ITCH: variants seen among roughly 807,000 people sequenced by gnomAD.
ITCH encodes the protein E3 ubiquitin-protein ligase Itchy homolog.
Under a neutral mutation model 126.8 loss-of-function variants are expected in ITCH, and 28 were observed. That is an observed-to-expected ratio of 0.22 (90% CI 0.16 to 0.30). The LOEUF (loss-of-function observed/expected upper bound fraction) is 0.30. Ranked by LOEUF, ITCH falls within the 10% of genes least tolerant of loss-of-function variation. The pLI is 1.00. For synonymous variants in ITCH, 342 were observed against 340.0 expected, an observed-to-expected ratio of 1.01 and a Z score of -0.06; for missense variants, 631 against 1,032.4, an observed-to-expected ratio of 0.61 and a Z score of 5.33.
At position 34,493,171 on chromosome 20, in the gene ITCH, A is replaced by G. The variant is rs550087863; in HGVS notation, c.2416+574A>G. On this transcript the variant is annotated intron_variant, in intron 23 of 24. Transcript: ENST00000374864. Reference sequence around the variant, plus strand: ...AAATTCAAGTATTTCCTTAATACCAACATTATCCCAAGTATCATAGGAGGA... The same window carrying G: ...AAATTCAAGTATTTCCTTAATACCAGCATTATCCCAAGTATCATAGGAGGA... Among the ~76,000 whole-genome samples the G allele has an allele frequency of 6.6e-5, 10 of 152,360 alleles. No individual in the cohort carries two copies. The South Asian group carries it at 1.9e-3, about 28-fold the overall frequency.
At position 34,445,260 on chromosome 20, in the gene ITCH, GT is replaced by G. The variant is rs376762756; in HGVS notation, c.966-10del. 41,200 of 1,415,838 alleles carry G rather than the reference GT, an allele frequency of 0.029. 16 individuals carry two copies. The highest frequency in any genetic ancestry group is 0.033 in the Admixed American group (1,538 of 47,288). The allele number at this position is 1,415,838 out of a possible 1,614,324, so 87.7% of individuals were successfully genotyped here. A position where few individuals can be genotyped will look rare whatever the true frequency, so the allele number is the denominator to read the frequency against. On this transcript the variant is annotated intron_variant, in intron 10 of 24. Coordinates refer to ENST00000374864, the MANE Select transcript of ITCH (RefSeq NM_031483.7). ...TCACAAGTATTTGTTGAATTAGCTT[GT>G]TTTTTTTTTTTTTTTTCTGATTTAG...
rs144293716 is a variant in ITCH, at chr20:34,408,753, A to G, written c.173A>G (p.Asn58Ser). ...DGQSKKTEKC[N>S]NTNSPKWKQP... is the part of the protein sequence containing the mutation. ...CAGTCAAAGAAGACAGAAAAATGCA[A>G]CAACACAAACAGTCCCAAGTGGAAG... The change falls in exon 4 of 25, where the codon AAC (asparagine) becomes AGC (serine). Residue 58 changes from asparagine to serine, a missense_variant. By Grantham distance (46) the Asn-to-Ser change is conservative (BLOSUM62 1). Around this residue, in one of 4 missense-constraint regions of ITCH, gnomAD observed 220 missense variants for 265.7 expected, o/e 0.83. Transcript: ENST00000374864. 230 of 1,614,132 alleles carry G rather than the reference A, an allele frequency of 1.4e-4. No individual in the cohort carries two copies. The African/African-American group carries it at 2.7e-3, about 19-fold the overall frequency.
chr20:34,401,351 G>T (rs2038878618), intron 3 of ITCH, among the ~76,000 whole-genome samples: 1 of 151,790 alleles, frequency 6.6e-6, no homozygotes, highest in South Asian at 2.1e-4. Context: ...TGTTTCAAAG[G>T]TGCAGTACTT....
At chr20:34,506,973 C>T (rs1990655711) in intron 24 of ITCH, among the ~76,000 whole-genome samples, 2 of 152,122 alleles carry the variant, frequency 1.3e-5, no homozygotes, top group Non-Finnish European at 2.9e-5. Context: ...TTCATCTGTC[C>T]ATGGACACTT....
intron 22 of ITCH, among the ~76,000 whole-genome samples, chr20:34,491,553 G>A (rs1989511967): frequency 6.8e-6 from 1 of 148,044 alleles, no homozygotes; most frequent in African/African-American, 2.5e-5. Context: ...TTTATGTTGT[G>A]TATATTTTAC....
At chr20:34,471,221 G>A (rs1323377548) in intron 15 of ITCH, among the ~76,000 whole-genome samples, 3 of 152,114 alleles carry the variant, frequency 2.0e-5, no homozygotes, top group African/African-American at 7.2e-5. Flanking sequence ...TAAGCAGTGT[G>A]CATATGAGAT....
At position 34,438,616 on chromosome 20, in the gene ITCH, A is replaced by C. The variant is rs1284234404; in HGVS notation, c.664A>C (p.Thr222Pro). 1 of 1,613,476 alleles carries C rather than the reference A, an allele frequency of 6.2e-7. No homozygotes were observed. The highest frequency in any genetic ancestry group is 1.3e-5 in the African/African-American group (1 of 74,758). The part of the protein sequence containing the change: ...PPRPSRPPPP[T>P]PRRPASVNGS... ...AAGACCTTCACGACCACCACCACCC[A>C]CCCCACGTAGACCAGGTTTGTATTC... is the stretch of plus-strand genomic sequence containing the variant. Residue 222 changes from threonine (T) to proline (P), a missense_variant, in exon 8 of 25, where the codon ACC (threonine) becomes CCC (proline). Thr to Pro is a conservative substitution (Grantham distance 38). Around this residue, in one of 4 missense-constraint regions of ITCH, gnomAD observed 220 missense variants for 265.7 expected, o/e 0.83. Coordinates refer to ENST00000374864, the MANE Select transcript of ITCH (RefSeq NM_031483.7).
At chr20:34,408,910 C>CTTTT in intron 4 of ITCH, 118 bp downstream of exon 4, 1 of 772,092 alleles carries the variant, frequency 1.3e-6, no homozygotes, top group Non-Finnish European at 1.9e-6. Context: ...TTTCTCTCTT[C>CTTTT]TTTTTTTTTT....
intron 2 of ITCH, among the ~76,000 whole-genome samples, chr20:34,372,081 C>T (rs1048178382): frequency 4.0e-5 from 6 of 151,780 alleles, no homozygotes; most frequent in South Asian, 2.1e-4. Context: ...CTGAGGCGGG[C>T]GGATCACGAG....
chr20:34,496,865 G>A (rs966261962), intron 23 of ITCH, among the ~76,000 whole-genome samples: 1 of 151,446 alleles, frequency 6.6e-6, no homozygotes, highest in Non-Finnish European at 1.5e-5. Flanking sequence ...GTGCCCTGAA[G>A]CATTTTTCCT....
chr20:34,421,343 C>T lies in ITCH; in HGVS notation c.476-3137C>T, dbSNP rs76055770. Among the ~76,000 whole-genome samples the T allele has an allele frequency of 5.7e-3, 874 of 152,238 alleles. 4 individuals are homozygous for T. Among genetic ancestry groups the T allele is most frequent in the Admixed American group, 0.012 (179 of 15,284 alleles). On this transcript the variant is annotated intron_variant, in intron 6 of 24. Transcript: ENST00000374864. ...AAGAAATAGGAACGATGTGTTAAAA[C>T]GCTTTATCTAGGAGCTAGTTATTTT...
intron 6 of ITCH, among the ~76,000 whole-genome samples, chr20:34,416,507 G>C (rs1214091409): frequency 1.3e-5 from 2 of 152,112 alleles, no homozygotes; most frequent in African/African-American, 4.8e-5. Context: ...TTTTAGCTTT[G>C]TTTGGACCTT....
At chr20:34,412,180 A>T (rs1979133109) in intron 4 of ITCH, among the ~76,000 whole-genome samples, 1 of 152,246 alleles carries the variant, frequency 6.6e-6, no homozygotes, top group African/African-American at 2.4e-5. Context: ...AACTACTGAC[A>T]TAAGGATTTA....
chr20:34,400,410 T>C (rs2038833691), intron 3 of ITCH, among the ~76,000 whole-genome samples: 1 of 152,046 alleles, frequency 6.6e-6, no homozygotes, highest in Non-Finnish European at 1.5e-5. Context: ...AAAAGGACCC[T>C]TTGAGGAGAC....
intron 16 of ITCH, among the ~76,000 whole-genome samples, chr20:34,472,836 T>C (rs1400820245): frequency 6.6e-6 from 1 of 152,224 alleles, no homozygotes. Context: ...CTTGATCTGA[T>C]GTAAGTGTCA....
In ITCH at chr20:34,480,654, G is replaced by A. The variant is rs776461109; in HGVS notation, c.1874G>A (p.Arg625His). ...GGTTTTTCTTTACCATTCTATAAGC[G>A]TATCTTGAACAAACCAGTTGGACTC... ...DTGFSLPFYKRILNKPVGLKD... is the reference protein window; with the variant it reads ...DTGFSLPFYKHILNKPVGLKD... The change falls in exon 19 of 25, where the codon CGT (arginine) becomes CAT (histidine). Residue 625 changes from arginine to histidine, a missense_variant. This residue lies in a region of ITCH where 390 missense variants were observed against 731.6 expected (regional missense o/e 0.53). Transcript: ENST00000374864. 1.4e-5 allele frequency: 22 copies of A among 1,612,774 alleles called. No homozygotes were observed. In the East Asian group the frequency reaches 1.8e-4, roughly 13 times the overall value.
intron 1 of ITCH, among the ~76,000 whole-genome samples, chr20:34,364,020 GA>G (rs1293150058): frequency 1.3e-5 from 2 of 152,100 alleles, no homozygotes; most frequent in Non-Finnish European, 2.9e-5. Flanking sequence ...CTTTAGCAGA[GA>G]AAAGAAAAAA....
In ITCH at chr20:34,368,337, C is replaced by T. The variant is rs553066784; in HGVS notation, c.-98-1057C>T. 2.0e-5 allele frequency among the ~76,000 whole-genome samples: 3 copies of T among 150,624 alleles called. No individual in the cohort carries two copies. In the South Asian group the frequency reaches 6.3e-4, roughly 31 times the overall value. The stretch of plus-strand genomic sequence containing the variant: ...ATAGTCATCTGTTTTGTTGTTTTGC[C>T]ACTTTCTTTCTTGTTGCCTAAGTCT... On this transcript the variant is annotated intron_variant, in intron 1 of 24. Transcript: ENST00000374864.
intron 16 of ITCH, 90 bp downstream of exon 16, chr20:34,471,605 A>G: frequency 4.9e-6 from 4 of 824,706 alleles, no homozygotes; most frequent in Middle Eastern, 2.2e-4. Context: ...ATGGTTTGGA[A>G]CTTCTTGAGT....
Sources: allele counts gnomAD v4.1 joint callset (sites outside exome capture counted in the v4.1 genomes callset), GRCh38; gene constraint gnomAD v4.1.1; regional missense constraint gnomAD v4.1.1; transcripts MANE v1.5; gene names NCBI Gene and HGNC (gene_info 2026-07-23, HGNC 2026-07-21).